CACNB2: variants seen among roughly 807,000 people sequenced by gnomAD.
CACNB2 encodes the protein voltage-dependent L-type calcium channel subunit beta-2.
CACNB2 carries 42 observed loss-of-function variants against 73.3 expected under a neutral mutation model. The ratio of observed to expected loss-of-function variants is 0.57; its 90% CI spans 0.45 to 0.74. CACNB2 has a LOEUF of 0.74. Ranked by LOEUF, CACNB2 falls within the 30% of genes least tolerant of loss-of-function variation. The probability of loss-of-function intolerance (pLI) is 0.00; values close to 1 mark genes in which losing one functional copy is unlikely to be tolerated. For synonymous variants in CACNB2, 348 were observed against 310.3 expected (o/e 1.12, Z -1.28); for missense variants, 940 against 853.0 (o/e 1.10, Z -1.27).
At chr10:18,261,007 A>C in intron 2 of CACNB2, 14 of 1,397,692 alleles carry the variant, frequency 1.0e-5, no homozygotes, top group Non-Finnish European at 1.3e-5. Context: ...AGATTTTTGC[A>C]AATAGGAAAC....
chr10:18,437,812 C>T lies in CACNB2; in HGVS notation c.333+35769C>T, dbSNP rs1192352414. 3.3e-5 allele frequency among the ~76,000 whole-genome samples: 5 copies of T among 151,980 alleles called. 1 individual carries two copies. The South Asian group carries it at 8.3e-4, about 25-fold the overall frequency. Reference sequence around the variant, plus strand: ...CTATTTGGGCATATATAGCAGTTGCCTCAAAACTTCGAAGTCATAGAAAAT... The same window carrying T: ...CTATTTGGGCATATATAGCAGTTGCTTCAAAACTTCGAAGTCATAGAAAAT... On this transcript the variant is annotated intron_variant, in intron 3 of 13. Coordinates refer to ENST00000324631, the MANE Select transcript of CACNB2 (RefSeq NM_201596.3).
chr10:18,317,619 C>T (rs1327277384), intron 2 of CACNB2, among the ~76,000 whole-genome samples: 1 of 152,072 alleles, frequency 6.6e-6, no homozygotes, highest in Admixed American at 6.6e-5. Flanking sequence ...ATCACATTTT[C>T]TTTATCCAGT....
At chr10:18,300,117 G>T (rs545108069) in intron 2 of CACNB2, among the ~76,000 whole-genome samples, 2 of 152,108 alleles carry the variant, frequency 1.3e-5, no homozygotes, top group Non-Finnish European at 2.9e-5. Context: ...CACCTCCCGG[G>T]TTCAAGTGAT....
At chr10:18,247,710 C>T (rs569286926) in intron 2 of CACNB2, among the ~76,000 whole-genome samples, 135 of 152,116 alleles carry the variant, frequency 8.9e-4, no homozygotes, top group Non-Finnish European at 1.4e-3. Flanking sequence ...GCTGGGAAGT[C>T]GAAGGTTGAG....
In CACNB2 at chr10:18,193,356, C is replaced by G. The variant is rs578125320; in HGVS notation, c.213+42381C>G. ...CAATTTCTCCACATTTTTGCCAACA[C>G]TTATTATTTTCTAGTTTTTCGATTA... On this transcript the variant is annotated intron_variant, in intron 2 of 13. Coordinates refer to ENST00000324631, the MANE Select transcript of CACNB2 (RefSeq NM_201596.3). Among the ~76,000 whole-genome samples, 10 of 151,776 alleles carry G rather than the reference C, an allele frequency of 6.6e-5. No individual in the cohort carries two copies. In the South Asian group the frequency reaches 1.9e-3, roughly 28 times the overall value.
chr10:18,209,033 T>A (rs2035214166), intron 2 of CACNB2, among the ~76,000 whole-genome samples: 1 of 152,206 alleles, frequency 6.6e-6, no homozygotes, highest in African/African-American at 2.4e-5. Flanking sequence ...AATGCAAAAC[T>A]AATATAATCT....
At chr10:18,414,898 A>G (rs2132661767) in intron 3 of CACNB2, among the ~76,000 whole-genome samples, 1 of 152,266 alleles carries the variant, frequency 6.6e-6, no homozygotes, top group South Asian at 2.1e-4. Flanking sequence ...CGACATGAAG[A>G]CTTTTACGCA....
intron 2 of CACNB2, among the ~76,000 whole-genome samples, chr10:18,161,112 C>G (rs1256138121): frequency 1.3e-5 from 2 of 152,074 alleles, no homozygotes; most frequent in Admixed American, 6.6e-5. Context: ...GGAAGATAAT[C>G]CAAGAAGGAT....
intron 2 of CACNB2, among the ~76,000 whole-genome samples, chr10:18,245,474 A>G (rs2036825955): frequency 6.6e-6 from 1 of 152,100 alleles, no homozygotes; most frequent in Admixed American, 6.6e-5. Context: ...GGCATGCACC[A>G]TCATACCTGG....
chr10:18,411,296 T>C (rs2044613474), intron 3 of CACNB2, among the ~76,000 whole-genome samples: 1 of 152,178 alleles, frequency 6.6e-6, no homozygotes, highest in Non-Finnish European at 1.5e-5. Flanking sequence ...GCTGGACCTC[T>C]GTTAGGCTTC....
intron 3 of CACNB2, among the ~76,000 whole-genome samples, chr10:18,473,629 C>T (rs2048299080): frequency 2.0e-5 from 3 of 152,130 alleles, no homozygotes; most frequent in African/African-American, 7.2e-5. Flanking sequence ...TTCTGGTGCA[C>T]TGGTGTGTTA....
At chr10:18,501,689 G>C (rs970217981) in intron 5 of CACNB2, among the ~76,000 whole-genome samples, 1 of 152,224 alleles carries the variant, frequency 6.6e-6, no homozygotes, top group African/African-American at 2.4e-5. Flanking sequence ...TCTTAAATAC[G>C]AATCGCTGGA....
At chr10:18,338,663 CTTTTTT>C (rs2041099460) in intron 2 of CACNB2, among the ~76,000 whole-genome samples, 2 of 102,534 alleles carry the variant, frequency 2.0e-5, no homozygotes, top group Non-Finnish European at 1.9e-5. Flanking sequence ...CTCTCTTTTT[CTTTTTT>C]TCTCTCTCCT....
chr10:18,493,073 T>G (rs1320191088), intron 3 of CACNB2, among the ~76,000 whole-genome samples: 1 of 152,210 alleles, frequency 6.6e-6, no homozygotes, highest in African/African-American at 2.4e-5. Flanking sequence ...TAGAATTGAA[T>G]AACTATTTGC....
intron 3 of CACNB2, among the ~76,000 whole-genome samples, chr10:18,447,967 G>A (rs2046817665): frequency 6.6e-6 from 1 of 152,020 alleles, no homozygotes; most frequent in Non-Finnish European, 1.5e-5. Flanking sequence ...AGAAAAGAAG[G>A]GATAATGGAG....
At chr10:18,183,878 C>T (rs1398957680) in intron 2 of CACNB2, among the ~76,000 whole-genome samples, 1 of 152,186 alleles carries the variant, frequency 6.6e-6, no homozygotes, top group African/African-American at 2.4e-5. Context: ...TTTAATGCCA[C>T]ATGCCACCTC....
chr10:18,177,709 C>A (rs1395917963), intron 2 of CACNB2, among the ~76,000 whole-genome samples: 1 of 152,140 alleles, frequency 6.6e-6, no homozygotes, highest in African/African-American at 2.4e-5. Context: ...CTCAGTGAAT[C>A]TACATGTTAC....
At chr10:18,301,319 T>G (rs575204982) in intron 2 of CACNB2, among the ~76,000 whole-genome samples, 1 of 152,252 alleles carries the variant, frequency 6.6e-6, no homozygotes, top group South Asian at 2.1e-4. Context: ...TTTTCTGCCT[T>G]GATAAACAAG....
At position 18,297,397 on chromosome 10, in the gene CACNB2, A is replaced by T. The variant is rs2039322011; in HGVS notation, c.214-104527A>T. Among the ~76,000 whole-genome samples the T allele has an allele frequency of 4.0e-5, 6 of 151,752 alleles. 1 individual carries two copies. The South Asian group carries it at 1.0e-3, about 26-fold the overall frequency. On this transcript the variant is annotated intron_variant, in intron 2 of 13. Transcript: ENST00000324631. ...TGCCTCTACAAAAACATTTAGAAGA[A>T]TTTTTTTTTAATAGCCGGGTGTGGT...
Sources: allele counts gnomAD v4.1 joint callset (sites outside exome capture counted in the v4.1 genomes callset), GRCh38; gene constraint gnomAD v4.1.1; transcripts MANE v1.5; gene names NCBI Gene and HGNC (gene_info 2026-07-23, HGNC 2026-07-21).